LRTM3: variants seen among roughly 807,000 people sequenced by gnomAD.
LRTM3 encodes the protein leucine rich repeat transmembrane protein 3, also known as leucine-rich repeat transmembrane protein 3.
the LRTM3 span, among the ~76,000 whole-genome samples, chr13:102,752,949 GT>G: frequency 3.9e-5 from 6 of 152,158 alleles, no homozygotes; most frequent in Admixed American, 6.5e-5. Context: ...TGGTGCCCTT[GT>G]AAGAAGAGGA....
At chr13:102,746,031 TA>T in the LRTM3 span, 2 of 1,551,194 alleles carry the variant, frequency 1.3e-6, no homozygotes, top group Non-Finnish European at 1.7e-6. Context: ...GGTGGAATCT[TA>T]GGACCTCCAA....
At chr13:102,755,723 C>T in the LRTM3 span, among the ~76,000 whole-genome samples, 18 of 150,410 alleles carry the variant, frequency 1.2e-4, no homozygotes, top group Non-Finnish European at 2.2e-4. Flanking sequence ...CACACGTATC[C>T]CTATGTAACA....
the LRTM3 span, chr13:102,739,387 A>G: frequency 8.4e-6 from 13 of 1,550,360 alleles, no homozygotes; most frequent in Non-Finnish European, 1.1e-5. Context: ...TTGACTCTGC[A>G]GATGATACTC....
the LRTM3 span, chr13:102,733,439 C>G: frequency 1.9e-6 from 3 of 1,551,254 alleles, no homozygotes; most frequent in Non-Finnish European, 2.6e-6. Flanking sequence ...AACAGAAAAT[C>G]CTTTTGAATT....
the LRTM3 span, chr13:102,749,980 T>A: frequency 1.9e-6 from 3 of 1,550,734 alleles, no homozygotes; most frequent in South Asian, 3.6e-5. Context: ...TAGAAAGAAA[T>A]AAGTGGGCAA....
At chr13:102,743,241 T>A in the LRTM3 span, 1 of 1,550,726 alleles carries the variant, frequency 6.4e-7, no homozygotes, top group Non-Finnish European at 8.7e-7. Flanking sequence ...TACCTTGCTA[T>A]CCCTTCAGCT....
chr13:102,741,455 C>T, the LRTM3 span: 1 of 1,549,988 alleles, frequency 6.5e-7, no homozygotes, highest in South Asian at 1.2e-5. Context: ...TCCTTTAGAA[C>T]CTACAAATAT....
chr13:102,744,940 A>G, the LRTM3 span: 1 of 1,550,624 alleles, frequency 6.4e-7, no homozygotes, highest in Non-Finnish European at 8.7e-7. Context: ...CAGTTGGTAC[A>G]CCACGTTTTA....
the LRTM3 span, chr13:102,738,242 A>G: frequency 1.3e-6 from 2 of 1,550,632 alleles, no homozygotes; most frequent in African/African-American, 2.7e-5. Context: ...TTTCTGTTGC[A>G]TGTAATCTTT....
At chr13:102,733,299 T>C in the LRTM3 span, 9 of 1,551,270 alleles carry the variant, frequency 5.8e-6, no homozygotes, top group East Asian at 9.8e-5. Flanking sequence ...GCTAACACTT[T>C]GGGAGAAAAC....
the LRTM3 span, among the ~76,000 whole-genome samples, chr13:102,754,982 G>A: frequency 1.3e-5 from 2 of 152,280 alleles, no homozygotes; most frequent in East Asian, 1.9e-4. Flanking sequence ...AAAGTCAGGT[G>A]GTTGGTGGCA....
the LRTM3 span, chr13:102,744,975 T>TTA: frequency 4.5e-6 from 7 of 1,550,852 alleles, no homozygotes; most frequent in East Asian, 1.7e-4. Flanking sequence ...ACTTCACCAT[T>TTA]TACTGAGTCC....
At chr13:102,741,902 T>C in the LRTM3 span, 2 of 1,550,466 alleles carry the variant, frequency 1.3e-6, no homozygotes, top group Admixed American at 2.0e-5. Context: ...TCCAATATAG[T>C]ATTGGGATAT....
the LRTM3 span, chr13:102,749,984 TG>T: frequency 6.4e-7 from 1 of 1,550,638 alleles, no homozygotes; most frequent in South Asian, 1.2e-5. Context: ...AAGAAATAAG[TG>T]GGCAAGAGGG....
chr13:102,750,155 T>C, the LRTM3 span: 1 of 1,551,236 alleles, frequency 6.4e-7, no homozygotes, highest in Non-Finnish European at 8.7e-7. Flanking sequence ...GTCTGGATGC[T>C]CTGTATGGCT....
At chr13:102,755,329 C>A in the LRTM3 span, among the ~76,000 whole-genome samples, 1 of 151,626 alleles carries the variant, frequency 6.6e-6, no homozygotes, top group African/African-American at 2.4e-5. Flanking sequence ...GGCCAATATA[C>A]CCTTCTATTT....
the LRTM3 span, chr13:102,735,045 C>T: frequency 1.9e-6 from 3 of 1,551,186 alleles, no homozygotes; most frequent in Non-Finnish European, 2.6e-6. Context: ...TCCTGAAACC[C>T]TGTATTCACA....
chr13:102,732,294 A>G, the LRTM3 span: 1 of 1,551,382 alleles, frequency 6.4e-7, no homozygotes, highest in Non-Finnish European at 8.7e-7. Context: ...TCTTTACTCC[A>G]CGAAGCTATG....
chr13:102,740,834 G>A, the LRTM3 span: 7 of 1,549,752 alleles, frequency 4.5e-6, no homozygotes, highest in South Asian at 8.3e-5. Context: ...TGCCTTTAAT[G>A]CTTTCTTTAC....
Sources: allele counts gnomAD v4.1 joint callset (sites outside exome capture counted in the v4.1 genomes callset), GRCh38; gene constraint gnomAD v4.1.1; transcripts MANE v1.5; gene names NCBI Gene and HGNC (gene_info 2026-07-23, HGNC 2026-07-21).